Variants in KCTD20 observed in about 807,000 individuals in gnomAD.
The protein encoded by KCTD20 is potassium channel tetramerization domain containing 20.
A neutral mutation model predicts 39.6 loss-of-function variants in KCTD20; 30 were observed. That is an observed-to-expected ratio of 0.76 (90% CI 0.57 to 1.03). KCTD20 has a LOEUF of 1.03. KCTD20 is among the 50% of genes least tolerant of loss of function. The pLI is 0.00. For missense variants in KCTD20, 422 were observed against 522.0 expected (o/e 0.81, Z 1.87); for synonymous variants, 162 against 180.6 (o/e 0.90, Z 0.83).
At chr6:36,449,404 A>C (rs1775165928) in intron 1 of KCTD20, among the ~76,000 whole-genome samples, 1 of 150,888 alleles carries the variant, frequency 6.6e-6, no homozygotes. Flanking sequence ...ATAGACACAG[A>C]GCGCTGATTC....
chr6:36,469,934 C>G lies in KCTD20; in HGVS notation c.-46-118C>G. The G allele has an allele frequency of 2.1e-6, 1 of 483,240 alleles. No homozygotes were observed. The allele number at this position is 483,240 out of a possible 1,614,324, so 29.9% of individuals were successfully genotyped here. On this transcript the variant is annotated intron_variant, in intron 1 of 7. Transcript: ENST00000373731. This position sits in a 1 kb window ranked among gnomAD's most constrained non-coding sequence, Gnocchi z 4.6. ...AAAATCACAAAAATGTTTAAGATGC[C>G]TATTTCTCCTGAGAACAGGAATGCT...
At position 36,474,895 on chromosome 6, in the gene KCTD20, G is replaced by A. The variant is rs761725539; in HGVS notation, c.267G>A (p.Arg89=). Residue 89 remains arginine, a synonymous_variant, in exon 3 of 8, where the codon CGG becomes CGA. Transcript: ENST00000373731. ...CTTGCTTCCAAAGTGGGAATAAACG[G>A]AACCATGAACCTTTTATTGCTCCAG... The part of the protein sequence containing the change: ...KGSCFQSGNK[R]NHEPFIAPER... 6.2e-7 allele frequency: 1 copy of A among 1,614,114 alleles called. No homozygotes were observed. The highest frequency in any genetic ancestry group is 1.1e-5 in the South Asian group (1 of 91,080).
At chr6:36,485,190 G>C (rs1354261627) in intron 7 of KCTD20, among the ~76,000 whole-genome samples, 1 of 152,046 alleles carries the variant, frequency 6.6e-6, no homozygotes, top group Non-Finnish European at 1.5e-5. Context: ...TGAAAAAATA[G>C]CTTGGGGACT....
chr6:36,457,134 G>C (rs1775461550), intron 1 of KCTD20, among the ~76,000 whole-genome samples: 1 of 152,218 alleles, frequency 6.6e-6, no homozygotes. Flanking sequence ...GGGTCTCACT[G>C]TGTTGCCAAG....
intron 2 of KCTD20, among the ~76,000 whole-genome samples, chr6:36,472,863 G>A (rs1432554310): frequency 6.6e-6 from 1 of 151,580 alleles, no homozygotes; most frequent in Non-Finnish European, 1.5e-5. Context: ...CTAGTTTTAA[G>A]CCTGTTTTGT....
rs1249194430 is a variant in KCTD20, at chr6:36,490,858, AGTAAT to A, written c.*3687_*3691del. On this transcript the variant is annotated 3_prime_UTR_variant, in exon 8 of 8. Transcript: ENST00000373731. Reference sequence around the variant, plus strand: ...TCAATATTTTAAGTCAAGGGTTTGTAGTAATGTATTCAGTGCCACTTCTTGCCATC... The same window carrying A: ...TCAATATTTTAAGTCAAGGGTTTGTAGTATTCAGTGCCACTTCTTGCCATC... The A allele has an allele frequency of 1.3e-5, 2 of 152,170 alleles. No individual in the cohort carries two copies. The highest frequency in any genetic ancestry group is 4.8e-5 in the African/African-American group (2 of 41,424). 9.4% of individuals were successfully genotyped at this position (152,170 alleles called of 1,614,324 possible). A position where few individuals can be genotyped will look rare whatever the true frequency, so the allele number is the denominator to read the frequency against.
intron 1 of KCTD20, among the ~76,000 whole-genome samples, chr6:36,467,182 C>T (rs1394339386): frequency 6.6e-6 from 1 of 151,056 alleles, no homozygotes; most frequent in East Asian, 2.0e-4. Context: ...GTGGTGGGTG[C>T]CTGTAATCCC....
At chr6:36,467,990 A>G (rs1775811135) in intron 1 of KCTD20, among the ~76,000 whole-genome samples, 1 of 152,224 alleles carries the variant, frequency 6.6e-6, no homozygotes, top group Non-Finnish European at 1.5e-5. Flanking sequence ...GCATTTTAAT[A>G]AAGTCTGAAA....
chr6:36,481,960 T>C (rs994105121), intron 6 of KCTD20, among the ~76,000 whole-genome samples: 2 of 152,224 alleles, frequency 1.3e-5, no homozygotes, highest in African/African-American at 4.8e-5. Context: ...ACTCTTTCTC[T>C]GGTGTCTCGT....
intron 1 of KCTD20, among the ~76,000 whole-genome samples, chr6:36,458,876 G>C (rs192674131): frequency 2.2e-4 from 34 of 152,088 alleles, no homozygotes; most frequent in Admixed American, 1.8e-3. Context: ...ATGGTGGCAT[G>C]TATCTGTGGT....
chr6:36,476,508 C>T (rs1041210906), intron 3 of KCTD20, among the ~76,000 whole-genome samples: 1 of 150,860 alleles, frequency 6.6e-6, no homozygotes, highest in South Asian at 2.1e-4. Flanking sequence ...CGGCTCACTG[C>T]AACCTCCACC....
chr6:36,482,012 ATTC>A (rs1435668688), intron 6 of KCTD20, among the ~76,000 whole-genome samples: 1 of 152,186 alleles, frequency 6.6e-6, no homozygotes, highest in East Asian at 1.9e-4. Context: ...TGATGGTGTC[ATTC>A]TTCTCTTAAT....
chr6:36,456,181 G>A (rs1775427110), intron 1 of KCTD20, among the ~76,000 whole-genome samples: 1 of 152,146 alleles, frequency 6.6e-6, no homozygotes, highest in African/African-American at 2.4e-5. Context: ...CTGAGGCCAG[G>A]TACAGTAGCT....
intron 1 of KCTD20, among the ~76,000 whole-genome samples, chr6:36,450,663 A>T (rs573368446): frequency 3.3e-5 from 5 of 152,260 alleles, no homozygotes; most frequent in African/African-American, 1.2e-4. Flanking sequence ...GCCTCTGTAT[A>T]AATCATTGTG....
At chr6:36,466,637 C>T (rs533167624) in intron 1 of KCTD20, among the ~76,000 whole-genome samples, 18 of 152,152 alleles carry the variant, frequency 1.2e-4, no homozygotes, top group African/African-American at 3.6e-4. Flanking sequence ...CTGCCTTGGC[C>T]TCCCAAAGTT....
intron 1 of KCTD20, among the ~76,000 whole-genome samples, chr6:36,468,576 G>A (rs148500821): frequency 1.3e-5 from 2 of 152,160 alleles, no homozygotes; most frequent in Non-Finnish European, 2.9e-5. Context: ...CATGGACCTT[G>A]TTCTTTATCT....
intron 5 of KCTD20, among the ~76,000 whole-genome samples, chr6:36,481,157 C>A (rs1261651326): frequency 6.6e-6 from 1 of 152,172 alleles, no homozygotes; most frequent in Non-Finnish European, 1.5e-5. Flanking sequence ...TAGAGTAAGT[C>A]CTTTGGTGTC....
intron 1 of KCTD20, among the ~76,000 whole-genome samples, chr6:36,445,081 G>C (rs553481976): frequency 6.6e-6 from 1 of 152,132 alleles, no homozygotes; most frequent in African/African-American, 2.4e-5. Context: ...GGCCAACCTG[G>C]TGAAACCCTG....
At chr6:36,461,598 G>A (rs1210083914) in intron 1 of KCTD20, among the ~76,000 whole-genome samples, 1 of 152,170 alleles carries the variant, frequency 6.6e-6, no homozygotes, top group East Asian at 1.9e-4. Flanking sequence ...AGGTCTTAAT[G>A]TAAATCCAAG....
Sources: gnomAD v4.1 joint callset for allele counts (sites outside exome capture counted in the v4.1 genomes callset) on GRCh38, gnomAD v4.1.1 for gene constraint, Gnocchi (gnomAD v3.1) non-coding constraint, MANE v1.5 for transcripts, NCBI Gene and HGNC (gene_info 2026-07-23, HGNC 2026-07-21) for gene names.